The following CFAP299 variants were observed in gnomAD, a reference collection of about 807,000 sequenced individuals.
CFAP299 encodes the protein cilia- and flagella-associated protein 299.
A neutral mutation model predicts 27.0 loss-of-function variants in CFAP299; 21 were observed. That is an observed-to-expected ratio of 0.78 (90% CI 0.55 to 1.12). The LOEUF is 1.12. CFAP299 is among the 50% of genes most tolerant of loss of function. CFAP299 has a pLI of 0.00. For missense variants in CFAP299, 310 were observed against 276.6 expected (o/e 1.12, Z -0.86); for synonymous variants, 104 against 98.1 (o/e 1.06, Z -0.36).
chr4:80,458,367 G>T (rs1276950543), intron 2 of CFAP299, among the ~76,000 whole-genome samples: 19 of 152,176 alleles, frequency 1.2e-4, no homozygotes, highest in Non-Finnish European at 1.5e-5. Flanking sequence ...TGGACTACAG[G>T]CTGGAGTGCC....
chr4:80,361,649 C>T (rs1723553724), intron 1 of CFAP299, among the ~76,000 whole-genome samples: 1 of 152,132 alleles, frequency 6.6e-6, no homozygotes, highest in Non-Finnish European at 1.5e-5. Context: ...AATCATTTGG[C>T]AAATGTATAC....
chr4:80,873,068 T>G (rs1221166951), intron 4 of CFAP299: 2 of 872,668 alleles, frequency 2.3e-6, no homozygotes, highest in African/African-American at 1.8e-5. Flanking sequence ...ATATACTGTC[T>G]TATAGGATAT....
chr4:80,551,538 T>C (rs1467041515), intron 2 of CFAP299, among the ~76,000 whole-genome samples: 1 of 152,162 alleles, frequency 6.6e-6, no homozygotes, highest in African/African-American at 2.4e-5. Context: ...ATATACTATA[T>C]TCAAAGTCCA....
chr4:80,800,309 A>ATATATAT (rs1728375671), intron 3 of CFAP299, among the ~76,000 whole-genome samples: 1 of 74,648 alleles, frequency 1.3e-5, no homozygotes, highest in South Asian at 4.2e-4. Flanking sequence ...ATAATATATA[A>ATATATAT]GATATATGAT....
chr4:80,782,728 A>T (rs1314306926), intron 3 of CFAP299, among the ~76,000 whole-genome samples: 2 of 135,574 alleles, frequency 1.5e-5, no homozygotes, highest in Non-Finnish European at 3.2e-5. Context: ...ATGAATATAT[A>T]ATATATTCAC....
At chr4:80,655,008 G>A (rs572879992) in intron 3 of CFAP299, among the ~76,000 whole-genome samples, 1 of 152,002 alleles carries the variant, frequency 6.6e-6, no homozygotes, top group African/African-American at 2.4e-5. Context: ...AGTCTCTTTA[G>A]TCAGACCCAC....
At chr4:80,709,069 G>GA (rs1387545969) in intron 3 of CFAP299, among the ~76,000 whole-genome samples, 1 of 152,068 alleles carries the variant, frequency 6.6e-6, no homozygotes. Flanking sequence ...TCAATAGTTG[G>GA]AAAAAGCATG....
chr4:80,435,314 G>C, intron 2 of CFAP299, among the ~76,000 whole-genome samples: 1 of 152,110 alleles, frequency 6.6e-6, no homozygotes, highest in Admixed American at 6.5e-5. Flanking sequence ...TCCAGAGAGG[G>C]GGTGAGCAAG....
At chr4:80,445,537 A>C (rs1040306328) in intron 2 of CFAP299, among the ~76,000 whole-genome samples, 35 of 152,148 alleles carry the variant, frequency 2.3e-4, no homozygotes, top group African/African-American at 8.4e-4. Context: ...GTTGGGGGAA[A>C]GGGGAGGGAT....
chr4:80,641,613 T>A (rs1739732091), intron 3 of CFAP299, among the ~76,000 whole-genome samples: 1 of 152,226 alleles, frequency 6.6e-6, no homozygotes, highest in South Asian at 2.1e-4. Context: ...GCATATATTA[T>A]GCACAAAATA....
At chr4:80,358,634 C>T (rs1723391510) in intron 1 of CFAP299, among the ~76,000 whole-genome samples, 1 of 152,108 alleles carries the variant, frequency 6.6e-6, no homozygotes, top group African/African-American at 2.4e-5. Flanking sequence ...TTGTCAGAAA[C>T]TATGATTGCA....
intron 3 of CFAP299, among the ~76,000 whole-genome samples, chr4:80,842,721 G>A (rs1454729288): frequency 6.6e-6 from 1 of 152,060 alleles, no homozygotes; most frequent in Non-Finnish European, 1.5e-5. Flanking sequence ...AGTAACAGCT[G>A]CCCCTTCACG....
intron 2 of CFAP299, among the ~76,000 whole-genome samples, chr4:80,487,396 G>A (rs1228268470): frequency 6.6e-6 from 1 of 152,184 alleles, no homozygotes; most frequent in African/African-American, 2.4e-5. Flanking sequence ...TATTAGACAA[G>A]ACTGAGGAGC....
At chr4:80,391,406 C>A (rs1560544478) in intron 2 of CFAP299, among the ~76,000 whole-genome samples, 1 of 152,100 alleles carries the variant, frequency 6.6e-6, no homozygotes, top group African/African-American at 2.4e-5. Flanking sequence ...TTGATAATCG[C>A]CATTCTAACA....
chr4:80,784,505 C>CT (rs933504346), intron 3 of CFAP299, among the ~76,000 whole-genome samples: 5 of 151,470 alleles, frequency 3.3e-5, no homozygotes, highest in East Asian at 1.9e-4. Flanking sequence ...TCTTTTCTTT[C>CT]TTTTTTTTCT....
At chr4:80,933,700 G>A (rs1736746669) in intron 4 of CFAP299, among the ~76,000 whole-genome samples, 2 of 151,808 alleles carry the variant, frequency 1.3e-5, no homozygotes, top group African/African-American at 2.4e-5. Flanking sequence ...TACTATAAAT[G>A]TTACTATTTT....
At chr4:80,750,292 A>G (rs567096381) in intron 3 of CFAP299, among the ~76,000 whole-genome samples, 1 of 152,292 alleles carries the variant, frequency 6.6e-6, no homozygotes, top group East Asian at 1.9e-4. Context: ...AGTGCTTGCT[A>G]TACTTAAATA....
intron 3 of CFAP299, among the ~76,000 whole-genome samples, chr4:80,635,802 T>G (rs1024093803): frequency 6.6e-6 from 1 of 152,172 alleles, no homozygotes; most frequent in Non-Finnish European, 1.5e-5. Flanking sequence ...TAGCTGGCAT[T>G]TATTTTTCAG....
At chr4:80,536,395 G>A (rs751556637) in intron 2 of CFAP299, among the ~76,000 whole-genome samples, 3 of 152,010 alleles carry the variant, frequency 2.0e-5, no homozygotes, top group Non-Finnish European at 2.9e-5. Context: ...TAGTATATAC[G>A]TATCGTTTGA....
Sources: gnomAD v4.1 joint callset for allele counts (sites outside exome capture counted in the v4.1 genomes callset) on GRCh38, gnomAD v4.1.1 for gene constraint, MANE v1.5 for transcripts, NCBI Gene and HGNC (gene_info 2026-07-23, HGNC 2026-07-21) for gene names.